HDAC4: variants seen among roughly 807,000 people sequenced by gnomAD.
The protein encoded by HDAC4 is histone deacetylase A.
A neutral mutation model predicts 135.1 loss-of-function variants in HDAC4; 16 were observed. That is an observed-to-expected ratio of 0.12 (90% CI 0.08 to 0.18). HDAC4 has a LOEUF of 0.18. HDAC4 is among the 10% of genes least tolerant of loss of function. The probability of loss-of-function intolerance (pLI) is 1.00; values close to 1 mark genes in which losing one functional copy is unlikely to be tolerated. For synonymous variants in HDAC4, 685 were observed against 653.4 expected, an observed-to-expected ratio of 1.05 and a Z score of -0.74; for missense variants, 1,143 against 1,511.8, an observed-to-expected ratio of 0.76 and a Z score of 4.05.
At chr2:239,279,097 G>C (rs2050561082) in intron 2 of HDAC4, among the ~76,000 whole-genome samples, 1 of 152,250 alleles carries the variant, frequency 6.6e-6, no homozygotes, top group Admixed American at 6.5e-5. Flanking sequence ...TAATGGGGCA[G>C]CAGGGCCCAC....
intron 5 of HDAC4, among the ~76,000 whole-genome samples, chr2:239,174,717 G>A (rs2043648782): frequency 6.6e-6 from 1 of 152,180 alleles, no homozygotes; most frequent in Admixed American, 6.5e-5. Flanking sequence ...CTCTGGTTAG[G>A]AAACAAGCCA....
rs568184760 is a variant in HDAC4, at chr2:239,285,331, G to A, written c.23-48667C>T. Among the ~76,000 whole-genome samples the A allele has an allele frequency of 1.2e-4, 19 of 152,214 alleles. No individual in the cohort carries two copies. The highest frequency in any genetic ancestry group is 2.5e-4 in the Non-Finnish European group (17 of 68,046). On this transcript the variant is annotated intron_variant, in intron 2 of 26. Coordinates refer to ENST00000543185, the MANE Select transcript of HDAC4 (RefSeq NM_001378414.1). This position sits in a 1 kb window ranked among gnomAD's most constrained non-coding sequence, Gnocchi z 4.5. ...GCCGCGGCTGGGCCCCCAAGTTCGCGGCTGTGCAGCGTGGCCAGAATGCTG... is the reference window on the plus strand; with the variant it reads ...GCCGCGGCTGGGCCCCCAAGTTCGCAGCTGTGCAGCGTGGCCAGAATGCTG...
At chr2:239,123,097 A>G (rs2039833387) in intron 12 of HDAC4, among the ~76,000 whole-genome samples, 1 of 152,242 alleles carries the variant, frequency 6.6e-6, no homozygotes, top group South Asian at 2.1e-4. Flanking sequence ...CAGTGAGAGT[A>G]CCCGGTTTCT....
At chr2:239,241,438 T>C (rs1220136363) in intron 2 of HDAC4, among the ~76,000 whole-genome samples, 9 of 152,228 alleles carry the variant, frequency 5.9e-5, no homozygotes, top group Non-Finnish European at 1.2e-4. Context: ...ACTGGCTGTT[T>C]TGGATTCATG....
intron 2 of HDAC4, among the ~76,000 whole-genome samples, chr2:239,341,970 A>G (rs114692036): frequency 1.6e-3 from 247 of 152,318 alleles, no homozygotes; most frequent in African/African-American, 5.8e-3. Flanking sequence ...CACCCCTTCC[A>G]ACAGGTGAGG....
At chr2:239,367,132 G>A (rs551235610) in intron 1 of HDAC4, among the ~76,000 whole-genome samples, 10 of 152,262 alleles carry the variant, frequency 6.6e-5, no homozygotes, top group East Asian at 5.8e-4. Context: ...CTCATAATGC[G>A]ATCTGGGGTC....
chr2:239,394,375 T>C (rs531906835), intron 1 of HDAC4, among the ~76,000 whole-genome samples: 1 of 152,328 alleles, frequency 6.6e-6, no homozygotes, highest in East Asian at 1.9e-4. Flanking sequence ...GATTAAATAA[T>C]GTCATTAATT....
At chr2:239,150,276 T>G (rs1050247077) in intron 7 of HDAC4, among the ~76,000 whole-genome samples, 1 of 148,124 alleles carries the variant, frequency 6.8e-6, no homozygotes, top group Non-Finnish European at 1.5e-5. Flanking sequence ...CACAGAAACA[T>G]AGATACACAC....
At chr2:239,221,012 C>T (rs1331483296) in intron 3 of HDAC4, among the ~76,000 whole-genome samples, 1 of 152,138 alleles carries the variant, frequency 6.6e-6, no homozygotes, top group African/African-American at 2.4e-5. Flanking sequence ...GACCTCCCTC[C>T]CACCAGCCCT....
At chr2:239,265,747 A>G (rs2049685475) in intron 2 of HDAC4, among the ~76,000 whole-genome samples, 1 of 152,240 alleles carries the variant, frequency 6.6e-6, no homozygotes, top group Non-Finnish European at 1.5e-5. Context: ...AGGATCCCAA[A>G]CAACAGTGTC....
chr2:239,246,245 G>C (rs1411103822), intron 2 of HDAC4, among the ~76,000 whole-genome samples: 1 of 152,202 alleles, frequency 6.6e-6, no homozygotes, highest in Non-Finnish European at 1.5e-5. Flanking sequence ...ACGGGGGAAA[G>C]GGAACAGCAG....
chr2:239,280,196 TTTCTACCTTATA>T (rs977915906), intron 2 of HDAC4, among the ~76,000 whole-genome samples: 31 of 152,018 alleles, frequency 2.0e-4, no homozygotes, highest in African/African-American at 7.5e-4. Flanking sequence ...CATCTGGAAA[TTTCTACCTTATA>T]TTCTCTCGTT....
At chr2:239,369,968 A>T (rs1010535024) in intron 1 of HDAC4, among the ~76,000 whole-genome samples, 15 of 152,226 alleles carry the variant, frequency 9.9e-5, no homozygotes, top group African/African-American at 3.4e-4. Context: ...GGACCGCCAC[A>T]TCCTGTCATC....
intron 2 of HDAC4, among the ~76,000 whole-genome samples, chr2:239,328,669 G>A: frequency 6.6e-6 from 1 of 152,244 alleles, no homozygotes. Flanking sequence ...TCCTCCCCCA[G>A]CGAGCACAGC....
chr2:239,108,314 T>C (rs1268963870), intron 14 of HDAC4, 131 bp from the exon 15 acceptor site: 2 of 1,177,492 alleles, frequency 1.7e-6, no homozygotes, highest in Admixed American at 2.0e-5. Flanking sequence ...GACGGTTCTT[T>C]AGAAAAATAC....
intron 5 of HDAC4, among the ~76,000 whole-genome samples, chr2:239,173,293 GA>G (rs2043566027): frequency 6.6e-6 from 1 of 152,104 alleles, no homozygotes; most frequent in Non-Finnish European, 1.5e-5. Context: ...CTACATAAAA[GA>G]TAATATATTA....
intron 1 of HDAC4, among the ~76,000 whole-genome samples, chr2:239,367,083 C>T (rs753972199): frequency 2.6e-5 from 4 of 152,130 alleles, no homozygotes; most frequent in Non-Finnish European, 4.4e-5. Context: ...AGCCCCCAGG[C>T]CCCCAGCCAC....
chr2:239,085,939 G>A (rs553848408), intron 19 of HDAC4: 3 of 148,026 alleles, frequency 2.0e-5, no homozygotes, highest in South Asian at 4.4e-4. Flanking sequence ...CTAACACGCG[G>A]ATCTGACTAT....
At chr2:239,248,564 T>C (rs2048602908) in intron 2 of HDAC4, among the ~76,000 whole-genome samples, 2 of 152,228 alleles carry the variant, frequency 1.3e-5, no homozygotes, top group African/African-American at 4.8e-5. Context: ...CATATCTTGC[T>C]AGAACTAAAC....
Sources: allele counts gnomAD v4.1 joint callset (sites outside exome capture counted in the v4.1 genomes callset), GRCh38; gene constraint gnomAD v4.1.1; non-coding constraint Gnocchi (gnomAD v3.1); transcripts MANE v1.5; gene names NCBI Gene and HGNC (gene_info 2026-07-23, HGNC 2026-07-21).